Variants in TCF7L1 observed in about 807,000 individuals in gnomAD.
TCF7L1 encodes the protein transcription factor 7 like 1.
TCF7L1 carries 18 observed loss-of-function variants against 63.7 expected under a neutral mutation model. That is an observed-to-expected ratio of 0.28 (90% confidence interval 0.20 to 0.42). TCF7L1 has a LOEUF of 0.42. Ranked by LOEUF, TCF7L1 falls within the 10% of genes least tolerant of loss-of-function variation. The probability of loss-of-function intolerance (pLI) is 1.00; values close to 1 mark genes in which losing one functional copy is unlikely to be tolerated. For synonymous variants in TCF7L1, 355 were observed against 340.9 expected, an observed-to-expected ratio of 1.04 and a Z score of -0.46; for missense variants, 654 against 779.3, an observed-to-expected ratio of 0.84 and a Z score of 1.91.
At chr2:85,268,828 G>T (rs1681075588) in intron 3 of TCF7L1, among the ~76,000 whole-genome samples, 3 of 152,068 alleles carry the variant, frequency 2.0e-5, no homozygotes, top group Admixed American at 2.0e-4. Flanking sequence ...AGCTAAGCGA[G>T]GAAATGAGCC....
At chr2:85,227,992 CA>C (rs34769307) in intron 3 of TCF7L1, among the ~76,000 whole-genome samples, 4,076 of 79,526 alleles carry the variant, frequency 0.051, 126 homozygotes, top group African/African-American at 0.17. Flanking sequence ...ACCCTGTCTC[CA>C]AAAAAAAAAA....
At position 85,242,528 on chromosome 2, in the gene TCF7L1, C is replaced by T. The variant is rs543920177; in HGVS notation, c.442-40967C>T. On this transcript the variant is annotated intron_variant, in intron 3 of 11. Transcript: ENST00000282111. ...CCTCTCCTGACCTAGACGCTGCACCCGGCTGTGCCCGCTTCTGCTGTAGGG... is the reference window on the plus strand; with the variant it reads ...CCTCTCCTGACCTAGACGCTGCACCTGGCTGTGCCCGCTTCTGCTGTAGGG... Among the ~76,000 whole-genome samples the T allele has an allele frequency of 2.6e-5, 4 of 152,366 alleles. 1 individual carries two copies. The highest frequency in any genetic ancestry group is 4.1e-4 in the South Asian group (2 of 4,830).
At chr2:85,244,961 C>T (rs1048638640) in intron 3 of TCF7L1, among the ~76,000 whole-genome samples, 5 of 151,954 alleles carry the variant, frequency 3.3e-5, no homozygotes, top group East Asian at 1.9e-4. Context: ...GGGGAGTGTA[C>T]GAAGGAAGAG....
intron 4 of TCF7L1, among the ~76,000 whole-genome samples, chr2:85,294,537 G>A (rs1681801788): frequency 6.6e-6 from 1 of 152,084 alleles, no homozygotes; most frequent in Non-Finnish European, 1.5e-5. Flanking sequence ...ACTAGTAATG[G>A]TAAACACCCA....
chr2:85,140,324 G>C (rs1259577726), intron 3 of TCF7L1, among the ~76,000 whole-genome samples: 1 of 152,172 alleles, frequency 6.6e-6, no homozygotes, highest in Admixed American at 6.5e-5. Flanking sequence ...GGTGTGAGGG[G>C]ATGTTGAGGG....
At chr2:85,236,255 T>C (rs1680190214) in intron 3 of TCF7L1, among the ~76,000 whole-genome samples, 2 of 152,126 alleles carry the variant, frequency 1.3e-5, no homozygotes, top group Admixed American at 1.3e-4. Context: ...CCGGTCTGTA[T>C]CAGTGAGTAT....
intron 3 of TCF7L1, among the ~76,000 whole-genome samples, chr2:85,274,450 T>C (rs1292044974): frequency 6.6e-6 from 1 of 152,120 alleles, no homozygotes; most frequent in Admixed American, 6.5e-5. Flanking sequence ...CCTAGCCAAG[T>C]GTCCGGCTCT....
rs1334042340 is a variant in TCF7L1 at position 85,238,368 on chromosome 2, GCAAA to G, written c.442-45124_442-45121del. Among the ~76,000 whole-genome samples, 89 of 152,194 alleles carry G rather than the reference GCAAA, an allele frequency of 5.8e-4. 1 individual carries two copies. Among genetic ancestry groups the G allele is most frequent in the African/African-American group, 2.1e-3 (86 of 41,438 alleles). On this transcript the variant is annotated intron_variant, in intron 3 of 11. Coordinates refer to ENST00000282111, the MANE Select transcript of TCF7L1 (RefSeq NM_031283.3). ...TCCAGGTACTGGGGGAAGGGCACAA[GCAAA>G]CAGAGACACGGAGCCTTCAGCTGCC...
rs1348859406 is a variant in TCF7L1 at position 85,275,710 on chromosome 2, G to A, written c.442-7785G>A. On this transcript the variant is annotated intron_variant, in intron 3 of 11. Coordinates refer to ENST00000282111, the MANE Select transcript of TCF7L1 (RefSeq NM_031283.3). ...AAGGCGGGCAGATCACTTGAGCTCA[G>A]GAGTTCGAGACCAGCCAGGGCAACA... Among the ~76,000 whole-genome samples the A allele has an allele frequency of 2.6e-5, 4 of 152,064 alleles. No individual in the cohort carries two copies. In the East Asian group the frequency reaches 7.7e-4, roughly 29 times the overall value.
intron 3 of TCF7L1, among the ~76,000 whole-genome samples, chr2:85,159,711 C>T (rs963192203): frequency 1.3e-5 from 2 of 152,232 alleles, no homozygotes; most frequent in African/African-American, 2.4e-5. Context: ...GGAAGGCTTG[C>T]GCCCTGGGAT....
chr2:85,258,909 C>T (rs111813686), intron 3 of TCF7L1, among the ~76,000 whole-genome samples: 1,915 of 152,288 alleles, frequency 0.013, 32 homozygotes, highest in African/African-American at 0.044. Flanking sequence ...TATTTATTAA[C>T]ATGAATACGT....
At chr2:85,179,555 T>C (rs1678752820) in intron 3 of TCF7L1, among the ~76,000 whole-genome samples, 1 of 152,184 alleles carries the variant, frequency 6.6e-6, no homozygotes, top group South Asian at 2.1e-4. Context: ...CCACTACATG[T>C]GGTAGAGAGC....
rs1292611159 is a variant in TCF7L1 at position 85,176,266 on chromosome 2, T to C, written c.441+41816T>C. On this transcript the variant is annotated intron_variant, in intron 3 of 11. Transcript: ENST00000282111. ...TGAGTTTGAGGCTTCAGTCCTCCGC[T>C]GACTGACCATATGTTTACACTGCAG... Among the ~76,000 whole-genome samples, 4 of 152,242 alleles carry C rather than the reference T, an allele frequency of 2.6e-5. No individual in the cohort carries two copies. In the East Asian group the frequency reaches 7.7e-4, roughly 29 times the overall value.
At chr2:85,257,001 A>G (rs936442203) in intron 3 of TCF7L1, among the ~76,000 whole-genome samples, 7 of 151,360 alleles carry the variant, frequency 4.6e-5, no homozygotes, top group African/African-American at 1.7e-4. Flanking sequence ...AAAATTACAT[A>G]TTAAAAATTC....
chr2:85,276,693 C>T (rs1681279460), intron 3 of TCF7L1, among the ~76,000 whole-genome samples: 1 of 152,092 alleles, frequency 6.6e-6, no homozygotes, highest in Non-Finnish European at 1.5e-5. Context: ...GATGTGGAAA[C>T]TGGGCCTAAG....
At chr2:85,146,415 A>C (rs1434787647) in intron 3 of TCF7L1, among the ~76,000 whole-genome samples, 2 of 152,294 alleles carry the variant, frequency 1.3e-5, no homozygotes, top group East Asian at 3.9e-4. Flanking sequence ...AGATTCAAAG[A>C]AATGGTGTGT....
chr2:85,183,697 T>C (rs567997773), intron 3 of TCF7L1, among the ~76,000 whole-genome samples: 11 of 152,280 alleles, frequency 7.2e-5, no homozygotes, highest in Admixed American at 7.2e-4. Flanking sequence ...TAAGAGAACA[T>C]GACTCCAGGC....
At chr2:85,246,011 C>G (rs1680455679) in intron 3 of TCF7L1, among the ~76,000 whole-genome samples, 1 of 152,050 alleles carries the variant, frequency 6.6e-6, no homozygotes, top group African/African-American at 2.4e-5. Context: ...AGTCAGGTGT[C>G]CCCCATGAAT....
At chr2:85,276,153 G>A (rs1036944832) in intron 3 of TCF7L1, among the ~76,000 whole-genome samples, 13 of 152,070 alleles carry the variant, frequency 8.5e-5, no homozygotes, top group East Asian at 1.9e-4. Flanking sequence ...TTCTCTTACC[G>A]ACTGCTGAAA....
Sources: allele counts gnomAD v4.1 joint callset (sites outside exome capture counted in the v4.1 genomes callset), GRCh38; gene constraint gnomAD v4.1.1; transcripts MANE v1.5; gene names NCBI Gene and HGNC (gene_info 2026-07-23, HGNC 2026-07-21).